The following THRB variants were observed in gnomAD, a reference collection of about 807,000 sequenced individuals.
THRB encodes nuclear receptor subfamily 1 group A member 2.
A neutral mutation model predicts 47.8 loss-of-function variants in THRB; 12 were observed. The observed-to-expected ratio is 0.25, with a 90% CI of 0.16 to 0.41. THRB has a LOEUF of 0.41. THRB is among the 10% of genes least tolerant of loss of function. THRB has a pLI of 1.00. For missense variants in THRB, 348 were observed against 589.2 expected (o/e 0.59, Z 4.24); for synonymous variants, 218 against 212.2 (o/e 1.03, Z -0.24).
At chr3:24,331,455 G>C (rs1253204668) in intron 2 of THRB, among the ~76,000 whole-genome samples, 1 of 152,000 alleles carries the variant, frequency 6.6e-6, no homozygotes. Context: ...TGACTTCCTA[G>C]TCATCTTTAC....
At chr3:24,334,575 G>C (rs1391703507) in intron 2 of THRB, among the ~76,000 whole-genome samples, 1 of 152,176 alleles carries the variant, frequency 6.6e-6, no homozygotes, top group Non-Finnish European at 1.5e-5. Flanking sequence ...CATTTCCCCA[G>C]GCAATGAGCA....
chr3:24,436,477 A>G (rs567666139), intron 1 of THRB, among the ~76,000 whole-genome samples: 67 of 152,276 alleles, frequency 4.4e-4, no homozygotes, highest in African/African-American at 1.6e-3. Flanking sequence ...TAGTATGCAC[A>G]CACACACACA....
At chr3:24,233,613 A>AAGAAAGAAAGAAAGAAAGAG (rs1559684924) in intron 3 of THRB, among the ~76,000 whole-genome samples, 1 of 137,306 alleles carries the variant, frequency 7.3e-6, no homozygotes, top group Non-Finnish European at 1.6e-5. Context: ...GAAAGAAAGA[A>AAGAAAGAAAGAAAGAAAGAG]AGAGAAAGAG....
In THRB at chr3:24,118,862, CATTA is replaced by C. The variant is rs1450582646; in HGVS notation, c.*4018_*4021del. ...TGCACAATATTGCTCTTGAAGGCGG[CATTA>C]ATTAATGTGGAAACACACTATAAAT... is the stretch of plus-strand genomic sequence containing the variant. On this transcript the variant is annotated 3_prime_UTR_variant, in exon 11 of 11. Coordinates refer to ENST00000646209, the MANE Select transcript of THRB (RefSeq NM_001354712.2). 1.3e-5 allele frequency: 2 copies of C among 152,306 alleles called. No homozygotes were observed. The highest frequency in any genetic ancestry group is 2.4e-5 in the African/African-American group (1 of 41,334). The allele number at this position is 152,306 out of a possible 1,614,324, so 9.4% of individuals were successfully genotyped here.
intron 1 of THRB, among the ~76,000 whole-genome samples, chr3:24,466,364 A>G (rs956903333): frequency 3.3e-5 from 5 of 151,880 alleles, no homozygotes; most frequent in Non-Finnish European, 7.4e-5. Context: ...AATTGAGGGT[A>G]CCCTCAACTC....
chr3:24,125,701 T>C (rs967651236), intron 10 of THRB, among the ~76,000 whole-genome samples: 1 of 152,176 alleles, frequency 6.6e-6, no homozygotes, highest in Non-Finnish European at 1.5e-5. Context: ...CTATAGCTCC[T>C]GTCATGGGAA....
At chr3:24,168,141 TCTTTA>T (rs1341336417) in intron 5 of THRB, among the ~76,000 whole-genome samples, 3 of 152,174 alleles carry the variant, frequency 2.0e-5, no homozygotes, top group African/African-American at 7.2e-5. Flanking sequence ...GTGGGAATAC[TCTTTA>T]CTTGTAACGA....
intron 8 of THRB, among the ~76,000 whole-genome samples, chr3:24,141,078 G>C (rs2035380749): frequency 6.6e-6 from 1 of 152,096 alleles, no homozygotes; most frequent in Non-Finnish European, 1.5e-5. Flanking sequence ...GAATCAAGAT[G>C]GACAATTTCT....
chr3:24,156,591 G>A (rs1019882297), intron 5 of THRB, among the ~76,000 whole-genome samples: 1 of 152,156 alleles, frequency 6.6e-6, no homozygotes, highest in Non-Finnish European at 1.5e-5. Context: ...TGTGGTTTGC[G>A]GTAGTGGGAA....
chr3:24,385,646 A>G (rs1577236948), intron 1 of THRB, among the ~76,000 whole-genome samples: 1 of 152,156 alleles, frequency 6.6e-6, no homozygotes, highest in South Asian at 2.1e-4. Context: ...TCTAGCAACT[A>G]AGAACTAAAT....
At chr3:24,206,824 C>T (rs992390746) in intron 4 of THRB, among the ~76,000 whole-genome samples, 1 of 151,996 alleles carries the variant, frequency 6.6e-6, no homozygotes, top group Non-Finnish European at 1.5e-5. Context: ...ATATCACCAC[C>T]CATCCCACAG....
chr3:24,477,103 T>C (rs2125829064), intron 1 of THRB, among the ~76,000 whole-genome samples: 1 of 151,284 alleles, frequency 6.6e-6, no homozygotes, highest in South Asian at 2.1e-4. Context: ...TGTGTGTGTG[T>C]GTGTGTGTGT....
At chr3:24,161,610 G>C (rs1464552814) in intron 5 of THRB, among the ~76,000 whole-genome samples, 14 of 67,830 alleles carry the variant, frequency 2.1e-4, no homozygotes, top group Non-Finnish European at 3.4e-5. Flanking sequence ...AGTCAACAGA[G>C]CTACAGAACA....
chr3:24,481,157 C>G (rs1054416905), intron 1 of THRB, among the ~76,000 whole-genome samples: 1 of 147,498 alleles, frequency 6.8e-6, no homozygotes, highest in Non-Finnish European at 1.5e-5. Context: ...GGCCATGATT[C>G]TTCCCAACTT....
intron 1 of THRB, among the ~76,000 whole-genome samples, chr3:24,343,926 ATTAT>A (rs2062843821): frequency 6.9e-6 from 1 of 144,084 alleles, no homozygotes; most frequent in Admixed American, 6.9e-5. Flanking sequence ...TATATTATAT[ATTAT>A]TTATTTATAT....
chr3:24,269,108 T>A (rs992586895), intron 3 of THRB, among the ~76,000 whole-genome samples: 1 of 152,200 alleles, frequency 6.6e-6, no homozygotes, highest in Admixed American at 6.5e-5. Flanking sequence ...ATTGCTTCAG[T>A]CATTTTCCCA....
chr3:24,479,611 A>G (rs1033904416), intron 1 of THRB, among the ~76,000 whole-genome samples: 2 of 152,208 alleles, frequency 1.3e-5, no homozygotes, highest in African/African-American at 4.8e-5. Context: ...CTCCTGGTTC[A>G]AGGGATCCCT....
intron 1 of THRB, among the ~76,000 whole-genome samples, chr3:24,339,888 G>C (rs1238882072): frequency 1.3e-5 from 2 of 152,228 alleles, no homozygotes; most frequent in Non-Finnish European, 2.9e-5. Flanking sequence ...CTCAGAATGT[G>C]TGTTCTTTGC....
intron 2 of THRB, among the ~76,000 whole-genome samples, chr3:24,325,702 G>A (rs1264877148): frequency 6.6e-6 from 1 of 152,048 alleles, no homozygotes; most frequent in African/African-American, 2.4e-5. Context: ...AAAGCAAGGA[G>A]AACACTTGCT....
Sources: allele counts gnomAD v4.1 joint callset (sites outside exome capture counted in the v4.1 genomes callset), GRCh38; gene constraint gnomAD v4.1.1; transcripts MANE v1.5; gene names NCBI Gene and HGNC (gene_info 2026-07-23, HGNC 2026-07-21).